Variants in POLD2 observed in about 807,000 individuals in gnomAD.
POLD2 encodes the protein DNA polymerase delta 2, accessory subunit, also known as DNA polymerase delta subunit 2.
POLD2 carries 31 observed loss-of-function variants against 48.8 expected under a neutral mutation model. The observed-to-expected ratio is 0.64, with a 90% CI of 0.48 to 0.86. The LOEUF (loss-of-function observed/expected upper bound fraction) is 0.86. POLD2 is among the 40% of genes least tolerant of loss of function. POLD2 has a pLI of 0.00. For missense variants in POLD2, 455 were observed against 610.1 expected (o/e 0.75, Z 2.68); for synonymous variants, 233 against 256.3 (o/e 0.91, Z 0.87).
Position 44,115,327 on chromosome 7 carries a change from T to C in POLD2, c.1217A>G (p.Asn406Ser), listed in dbSNP as rs1312319738. 3 of 1,613,952 alleles carry C rather than the reference T, an allele frequency of 1.9e-6. No homozygotes were observed. Among genetic ancestry groups the C allele is most frequent in the East Asian group, 2.2e-5 (1 of 44,874 alleles). ...PECPHVYFCG[N>S]TPSFGSKIIR... Reference sequence around the variant, plus strand: ...GATTTTGGAGCCAAAGCTGGGGGTGTTGCCACAAAAGTAGACATGCGGGCA... The same window carrying C: ...GATTTTGGAGCCAAAGCTGGGGGTGCTGCCACAAAAGTAGACATGCGGGCA... The change falls in exon 10 of 11, where the codon AAC (asparagine) becomes AGC (serine). Residue 406 changes from asparagine to serine, a missense_variant. Physicochemically the swap from Asn to Ser is conservative, Grantham distance 46. Around this residue, in one of 3 missense-constraint regions of POLD2, gnomAD observed 98 missense variants for 138.6 expected, o/e 0.71. Transcript: ENST00000610533.
At chr7:44,115,691 G>A in intron 9 of POLD2, 75 bp downstream of exon 9, 14 of 1,525,916 alleles carry the variant, frequency 9.2e-6, no homozygotes, top group Non-Finnish European at 1.2e-5. Flanking sequence ...AACCCACAGG[G>A]GGACCCTGTG....
At chr7:44,118,173 C>CCTGTGA in intron 2 of POLD2, 109 bp from the exon 3 acceptor site, 1 of 1,332,424 alleles carries the variant, frequency 7.5e-7, no homozygotes, top group Non-Finnish European at 1.0e-6. Flanking sequence ...GGGCCCTGGC[C>CCTGTGA]TTGCCAGGAG....
At chr7:44,123,420 G>A in intron 1 of POLD2, 91 bp downstream of exon 1, 2 of 1,466,362 alleles carry the variant, frequency 1.4e-6, no homozygotes, top group East Asian at 3.0e-5. Flanking sequence ...CGGGACGTCC[G>A]CCAAGACACC....
rs185727756 is a variant in POLD2 at position 44,120,160 on chromosome 7, G to A, written c.220+1674C>T. 1.1e-4 allele frequency among the ~76,000 whole-genome samples: 16 copies of A among 152,340 alleles called. 1 individual carries two copies. In the East Asian group the frequency reaches 3.1e-3, roughly 29 times the overall value. ...GGCCAGCACCAACCACCAGGCCTGT[G>A]AGCGAGTGCTACTGCTGCCCCGCTG... On this transcript the variant is annotated intron_variant, in intron 2 of 10. Coordinates refer to ENST00000610533, the MANE Select transcript of POLD2 (RefSeq NM_006230.4).
intron 1 of POLD2, 120 bp from the exon 2 acceptor site, chr7:44,122,229 CCAGA>C: frequency 7.0e-7 from 1 of 1,428,728 alleles, no homozygotes; most frequent in Non-Finnish European, 9.1e-7. Context: ...GTAGTTGACA[CCAGA>C]CATTGTGTCC....
intron 1 of POLD2, chr7:44,123,302 C>T (rs897936574): frequency 4.4e-6 from 6 of 1,365,166 alleles, no homozygotes; most frequent in Non-Finnish European, 5.6e-6. Context: ...CTCGAACGTG[C>T]TTGATGGCGG....
intron 2 of POLD2, among the ~76,000 whole-genome samples, chr7:44,118,874 A>C (rs2096244573): frequency 6.6e-6 from 1 of 152,104 alleles, no homozygotes; most frequent in Non-Finnish European, 1.5e-5. Flanking sequence ...CGCCTACAGG[A>C]AACTAATACA....
intron 1 of POLD2, chr7:44,123,004 C>T (rs952754106): frequency 1.8e-5 from 3 of 162,574 alleles, no homozygotes; most frequent in African/African-American, 7.2e-5. Context: ...CTACGAAGTA[C>T]AGGAGATGTG....
At position 44,121,926 on chromosome 7, in the gene POLD2, T is replaced by C; in HGVS notation, c.128A>G (p.Glu43Gly). ...TNSSQPFRLG[E>G]RSFSRQYAHI... ...GGCATACTGCCGGCTAAAGCTGCGC[T>C]CTCCTAGCCGGAAGGGTTGTGAGGA... The change falls in exon 2 of 11, where the codon GAG becomes GGG. Residue 43 changes from glutamate to glycine, a missense_variant. Physicochemically the swap from Glu to Gly is moderately conservative, Grantham distance 98. Transcript: ENST00000610533. The surrounding 1 kb of genome is among the most constrained non-coding windows in gnomAD (Gnocchi z 4.5). The C allele has an allele frequency of 1.9e-6, 3 of 1,613,768 alleles. No individual in the cohort carries two copies. In the South Asian group the frequency reaches 3.3e-5, roughly 18 times the overall value.
Position 44,116,734 on chromosome 7 carries a change from C to A in POLD2, c.780+83G>T, listed in dbSNP as rs2096240365. On this transcript the variant is annotated intron_variant, in intron 6 of 10. Coordinates refer to ENST00000610533, the MANE Select transcript of POLD2 (RefSeq NM_006230.4). The surrounding 1 kb of genome is among the most constrained non-coding windows in gnomAD (Gnocchi z 6.1). ...CCGACCTGCGAGACCTCACAGGGTA[C>A]CCTACTCGCCCTGGGGAAGGAGGGT... 2 of 1,469,012 alleles carry A rather than the reference C, an allele frequency of 1.4e-6. No individual in the cohort carries two copies. The highest frequency in any genetic ancestry group is 1.4e-5 in the African/African-American group (1 of 71,902). The allele number at this position is 1,469,012 out of a possible 1,614,324, so 91.0% of individuals were successfully genotyped here. A position where few individuals can be genotyped will look rare whatever the true frequency, so the allele number is the denominator to read the frequency against.
rs1350229721 is a variant in POLD2 at position 44,118,006 on chromosome 7, C to T, written c.279G>A (p.Val93=). ...GCATGGCCTTGAACAGAGTGCCCAC[C>T]ACACAGCACTTCTCCTCAGGCTGCA... ...CELQPEEKCC[V]VGTLFKAMPL... Residue 93 remains valine (V), a synonymous_variant, in exon 3 of 11, where the codon GTG becomes GTA. Coordinates refer to ENST00000610533, the MANE Select transcript of POLD2 (RefSeq NM_006230.4). The T allele has an allele frequency of 6.2e-7, 1 of 1,614,216 alleles. No homozygotes were observed. The highest frequency in any genetic ancestry group is 8.5e-7 in the Non-Finnish European group (1 of 1,180,018).
chr7:44,118,002 C>T lies in POLD2; in HGVS notation c.283G>A (p.Gly95Ser), dbSNP rs1450724038. The T allele has an allele frequency of 6.2e-7, 1 of 1,614,210 alleles. No homozygotes were observed. Among genetic ancestry groups the T allele is most frequent in the East Asian group, 2.2e-5 (1 of 44,882 alleles). ...LQPEEKCCVV[G>S]TLFKAMPLQP... The stretch of plus-strand genomic sequence containing the variant: ...AGCGGCATGGCCTTGAACAGAGTGC[C>T]CACCACACAGCACTTCTCCTCAGGC... The change falls in exon 3 of 11, where the codon GGC becomes AGC. Residue 95 changes from glycine to serine, a missense_variant. Transcript: ENST00000610533.
intron 2 of POLD2, among the ~76,000 whole-genome samples, chr7:44,119,899 G>T (rs1226181166): frequency 6.6e-6 from 1 of 152,262 alleles, no homozygotes; most frequent in Non-Finnish European, 1.5e-5. Flanking sequence ...TCATTGCAAG[G>T]TGGCTTCAGG....
At chr7:44,123,652 T>G, upstream of POLD2, 1 of 1,381,976 alleles carries the variant, frequency 7.2e-7, no homozygotes, top group Non-Finnish European at 9.3e-7. Flanking sequence ...ACCAGGCGCC[T>G]CATCCCGCCG....
chr7:44,117,288 G>T (rs754126360), intron 4 of POLD2, 41 bp from the exon 5 acceptor site: 7 of 1,433,180 alleles, frequency 4.9e-6, no homozygotes, highest in East Asian at 2.3e-5. Flanking sequence ...GGAGCCCCAG[G>T]TGCTACCACT....
At chr7:44,123,302 C>A in intron 1 of POLD2, 1 of 1,365,166 alleles carries the variant, frequency 7.3e-7, no homozygotes, top group Non-Finnish European at 9.4e-7. Context: ...CTCGAACGTG[C>A]TTGATGGCGG....
intron 2 of POLD2, among the ~76,000 whole-genome samples, chr7:44,119,361 C>G (rs1179789317): frequency 6.6e-6 from 1 of 152,142 alleles, no homozygotes; most frequent in African/African-American, 2.4e-5. Context: ...CTGACTCCAG[C>G]ACAGCCTGAG....
chr7:44,116,071 A>C lies in POLD2; in HGVS notation c.1019+44T>G. 6.2e-7 allele frequency: 1 copy of C among 1,608,886 alleles called. No homozygotes were observed. Among genetic ancestry groups the C allele is most frequent in the Non-Finnish European group, 8.5e-7 (1 of 1,176,182 alleles). On this transcript the variant is annotated intron_variant, in intron 8 of 10. Transcript: ENST00000610533. The surrounding 1 kb of genome is among the most constrained non-coding windows in gnomAD (Gnocchi z 6.1). Reference sequence around the variant, plus strand: ...TCCCCTCCCTTCTTTGTGCCTCCTGAGGCAAAAGGCTGGGTCAGACTGAAG... The same window carrying C: ...TCCCCTCCCTTCTTTGTGCCTCCTGCGGCAAAAGGCTGGGTCAGACTGAAG...
rs2096247751 is a variant in POLD2, at chr7:44,121,263, A to G, written c.220+571T>C. ...CTGCTTCACCACCAAGAGTAATCCA[A>G]CTGCAGGAGAGATCACCAGGGAAGA... is the stretch of plus-strand genomic sequence containing the variant. On this transcript the variant is annotated intron_variant, in intron 2 of 10. Coordinates refer to ENST00000610533, the MANE Select transcript of POLD2 (RefSeq NM_006230.4). The surrounding 1 kb of genome is among the most constrained non-coding windows in gnomAD (Gnocchi z 4.5). Among the ~76,000 whole-genome samples, 1 of 152,142 alleles carries G rather than the reference A, an allele frequency of 6.6e-6. No individual in the cohort carries two copies. The highest frequency in any genetic ancestry group is 1.5e-5 in the Non-Finnish European group (1 of 68,010).
Sources: allele counts gnomAD v4.1 joint callset (sites outside exome capture counted in the v4.1 genomes callset), GRCh38; gene constraint gnomAD v4.1.1; regional missense constraint gnomAD v4.1.1; non-coding constraint Gnocchi (gnomAD v3.1); transcripts MANE v1.5; gene names NCBI Gene and HGNC (gene_info 2026-07-23, HGNC 2026-07-21).